Variants in SCRG1 observed in about 807,000 individuals in gnomAD.
SCRG1 encodes the protein scrapie-responsive protein 1.
Under a neutral mutation model 7.7 loss-of-function variants are expected in SCRG1, and 3 were observed. The ratio of observed to expected loss-of-function variants is 0.39; its 90% CI spans 0.18 to 1.01. The LOEUF is 1.01. Among genes scored for constraint, SCRG1 ranks in the 50% least tolerant of loss-of-function variants. SCRG1 has a pLI of 0.36. For synonymous variants in SCRG1, 46 were observed against 41.2 expected (o/e 1.12, Z -0.44); for missense variants, 110 against 117.2 (o/e 0.94, Z 0.28).
chr4:173,385,818 T>G lies in SCRG1; in HGVS notation c.*2523A>C, dbSNP rs1344959882. The G allele has an allele frequency of 6.6e-6, 1 of 152,208 alleles. No homozygotes were observed. The highest frequency in any genetic ancestry group is 2.4e-5 in the African/African-American group (1 of 41,460). 9.4% of individuals were successfully genotyped at this position (152,208 alleles called of 1,614,324 possible). On this transcript the variant is annotated 3_prime_UTR_variant, in exon 3 of 3. Transcript: ENST00000296506. ...ATGTGTCATTTGTAAATGGAGACAC[T>G]GGATCTTTAATGCTTTTTCCCCCTC...
At chr4:173,456,302 G>C in the SCRG1 span, among the ~76,000 whole-genome samples, 2 of 152,106 alleles carry the variant, frequency 1.3e-5, no homozygotes, top group Non-Finnish European at 2.9e-5. Context: ...AAATCTGTAT[G>C]GTAATAAGTT....
the SCRG1 span, among the ~76,000 whole-genome samples, chr4:173,437,217 A>G: frequency 6.6e-6 from 1 of 152,168 alleles, no homozygotes; most frequent in African/African-American, 2.4e-5. Context: ...GAGCAATCTT[A>G]GGGCAATTTA....
At chr4:173,513,070 C>G in the SCRG1 span, among the ~76,000 whole-genome samples, 1 of 152,166 alleles carries the variant, frequency 6.6e-6, no homozygotes, top group Non-Finnish European at 1.5e-5. Context: ...AAAAACCTCT[C>G]TATGGTAGGA....
upstream of SCRG1, chr4:173,399,561 C>T (rs572862794): frequency 1.3e-5 from 2 of 152,462 alleles, no homozygotes; most frequent in African/African-American, 2.4e-5. Flanking sequence ...CTGCGCACCT[C>T]TTCCCCTTTC....
chr4:173,492,013 C>A, the SCRG1 span, among the ~76,000 whole-genome samples: 1 of 151,794 alleles, frequency 6.6e-6, no homozygotes, highest in African/African-American at 2.4e-5. Context: ...TGCCTGTAGT[C>A]CCAGCTACTA....
the SCRG1 span, among the ~76,000 whole-genome samples, chr4:173,451,238 G>A: frequency 1.3e-5 from 2 of 148,942 alleles, no homozygotes; most frequent in Admixed American, 6.8e-5. Context: ...AAGGAATAAG[G>A]GTAAGCCAGC....
the SCRG1 span, among the ~76,000 whole-genome samples, chr4:173,472,371 A>G: frequency 1.3e-5 from 2 of 152,354 alleles, no homozygotes; most frequent in Admixed American, 1.3e-4. Flanking sequence ...TGCCAAGTGT[A>G]TTAGGGTTCT....
intron 2 of SCRG1, among the ~76,000 whole-genome samples, chr4:173,390,709 G>T (rs976168809): frequency 6.6e-6 from 1 of 151,980 alleles, no homozygotes; most frequent in Non-Finnish European, 1.5e-5. Context: ...AGTTGATCTC[G>T]AACTCCTGAC....
the SCRG1 span, among the ~76,000 whole-genome samples, chr4:173,421,391 G>A: frequency 7.7e-5 from 10 of 130,144 alleles, no homozygotes; most frequent in South Asian, 2.9e-4. Flanking sequence ...AAAAGCATCT[G>A]TTTCTCTGTT....
chr4:173,432,282 C>T, the SCRG1 span, among the ~76,000 whole-genome samples: 20 of 122,062 alleles, frequency 1.6e-4, no homozygotes, highest in Non-Finnish European at 3.0e-4. Flanking sequence ...TTTCTTTCTT[C>T]CTTCCTTCCT....
chr4:173,485,497 A>T, the SCRG1 span, among the ~76,000 whole-genome samples: 1 of 151,702 alleles, frequency 6.6e-6, no homozygotes, highest in East Asian at 1.9e-4. Context: ...CCAGCAGAAG[A>T]ACTACCAGCT....
At chr4:173,515,199 CG>C in the SCRG1 span, among the ~76,000 whole-genome samples, 1 of 152,114 alleles carries the variant, frequency 6.6e-6, no homozygotes, top group Admixed American at 6.5e-5. This position sits in a 1 kb window ranked among gnomAD's most constrained non-coding sequence, Gnocchi z 4.6. Flanking sequence ...TTGGAACATA[CG>C]GTGCCAGGAT....
At chr4:173,486,222 C>T in the SCRG1 span, among the ~76,000 whole-genome samples, 2,298 of 152,268 alleles carry the variant, frequency 0.015, 24 homozygotes, top group Non-Finnish European at 0.022. Context: ...AAGATTAAAG[C>T]AATTTCATCT....
At chr4:173,495,944 G>T in the SCRG1 span, among the ~76,000 whole-genome samples, 1,264 of 152,324 alleles carry the variant, frequency 8.3e-3, 22 homozygotes, top group East Asian at 0.047. Flanking sequence ...AAGAGTAGAT[G>T]CCCAGGCTGA....
chr4:173,384,902 T>C lies in SCRG1; in HGVS notation c.*3439A>G, dbSNP rs570316642. On this transcript the variant is annotated 3_prime_UTR_variant, in exon 3 of 3. Transcript: ENST00000296506. The stretch of plus-strand genomic sequence containing the variant: ...AATGTACAATTGTGTGTCCTATCCA[T>C]GTAAAAGTTTGCCTTTCTGTAAAGG... The C allele has an allele frequency of 6.6e-6, 1 of 152,286 alleles. No homozygotes were observed. The highest frequency in any genetic ancestry group is 1.9e-4 in the East Asian group (1 of 5,186). 9.4% of individuals were successfully genotyped at this position (152,286 alleles called of 1,614,324 possible).
At chr4:173,505,010 G>T in the SCRG1 span, among the ~76,000 whole-genome samples, 1,848 of 152,320 alleles carry the variant, frequency 0.012, 45 homozygotes, top group African/African-American at 0.042. The surrounding 1 kb of genome is among the most constrained non-coding windows in gnomAD (Gnocchi z 4.4). Flanking sequence ...AACTGTAACT[G>T]AAGAAGAGAA....
At chr4:173,462,747 C>T in the SCRG1 span, among the ~76,000 whole-genome samples, 3 of 152,096 alleles carry the variant, frequency 2.0e-5, no homozygotes, top group Admixed American at 1.3e-4. Context: ...ATAACTACAA[C>T]AACTTTTCAA....
chr4:173,509,674 C>T, the SCRG1 span, among the ~76,000 whole-genome samples: 2 of 151,988 alleles, frequency 1.3e-5, no homozygotes, highest in Admixed American at 6.5e-5. This position sits in a 1 kb window ranked among gnomAD's most constrained non-coding sequence, Gnocchi z 5.7. Context: ...CGGCTGCAGC[C>T]GGGAGCGCGG....
At chr4:173,480,250 G>A in the SCRG1 span, among the ~76,000 whole-genome samples, 1 of 152,160 alleles carries the variant, frequency 6.6e-6, no homozygotes, top group South Asian at 2.1e-4. Flanking sequence ...GGAGGAACAA[G>A]TTAAGCCACT....
Sources: allele counts gnomAD v4.1 joint callset (sites outside exome capture counted in the v4.1 genomes callset), GRCh38; gene constraint gnomAD v4.1.1; non-coding constraint Gnocchi (gnomAD v3.1); transcripts MANE v1.5; gene names NCBI Gene and HGNC (gene_info 2026-07-23, HGNC 2026-07-21).